PLSCR2: variants seen among roughly 807,000 people sequenced by gnomAD.
The protein encoded by PLSCR2 is PL scramblase 2.
In PLSCR2, 18 loss-of-function variants were observed where a neutral mutation model predicts 25.3. The observed-to-expected ratio is 0.71, with a 90% confidence interval of 0.49 to 1.06. The LOEUF (loss-of-function observed/expected upper bound fraction) is 1.06, where lower values mean the gene tolerates loss of function less well. Ranked by LOEUF, PLSCR2 falls within the 50% of genes least tolerant of loss-of-function variation. PLSCR2 has a pLI of 0.00. For synonymous variants in PLSCR2, 88 were observed against 87.3 expected (o/e 1.01, Z -0.04); for missense variants, 243 against 269.5 (o/e 0.90, Z 0.69).
intron 2 of PLSCR2, among the ~76,000 whole-genome samples, chr3:146,425,763 A>C (rs549592364): frequency 1.3e-5 from 2 of 152,184 alleles, no homozygotes; most frequent in Non-Finnish European, 2.9e-5. Context: ...GAGCAGACTG[A>C]TGATAGAAAT....
intron 2 of PLSCR2, among the ~76,000 whole-genome samples, chr3:146,402,899 T>C (rs928752733): frequency 6.6e-6 from 1 of 152,210 alleles, no homozygotes; most frequent in Non-Finnish European, 1.5e-5. Flanking sequence ...GTACACATTT[T>C]CATTTGATAT....
chr3:146,396,669 CAA>C (rs2038284622), intron 2 of PLSCR2, among the ~76,000 whole-genome samples: 1 of 151,984 alleles, frequency 6.6e-6, no homozygotes, highest in Non-Finnish European at 1.5e-5. Context: ...GAAAAGGCCC[CAA>C]GTTAGGAAGG....
intron 1 of PLSCR2, among the ~76,000 whole-genome samples, chr3:146,487,827 A>G (rs1388079067): frequency 6.6e-6 from 1 of 152,204 alleles, no homozygotes; most frequent in Non-Finnish European, 1.5e-5. Flanking sequence ...AAACTGCTTT[A>G]AATTTCATAT....
chr3:146,461,968 A>AC, upstream of PLSCR2: 3 of 1,311,788 alleles, frequency 2.3e-6, no homozygotes, highest in Non-Finnish European at 3.1e-6. Flanking sequence ...TAAAAAAAAA[A>AC]ATGACAAAGA....
chr3:146,470,141 T>C (rs1400323402), intron 1 of PLSCR2, among the ~76,000 whole-genome samples: 1 of 152,064 alleles, frequency 6.6e-6, no homozygotes, highest in Non-Finnish European at 1.5e-5. Context: ...AGAGTGAAAA[T>C]GATGAGGCGT....
intron 1 of PLSCR2, among the ~76,000 whole-genome samples, chr3:146,491,713 C>T (rs972378457): frequency 6.6e-6 from 1 of 152,102 alleles, no homozygotes; most frequent in Non-Finnish European, 1.5e-5. Context: ...TTTGGTGCTT[C>T]CTTAAAATGA....
chr3:146,450,204 G>C (rs1404644518), intron 5 of PLSCR2, among the ~76,000 whole-genome samples: 2 of 152,050 alleles, frequency 1.3e-5, no homozygotes, highest in African/African-American at 4.8e-5. Flanking sequence ...CCCAAGTCAG[G>C]AATGTCATTT....
chr3:146,445,019 T>G (rs1180592206), intron 6 of PLSCR2, among the ~76,000 whole-genome samples: 1 of 152,148 alleles, frequency 6.6e-6, no homozygotes. Flanking sequence ...ACTGATTGCA[T>G]GAACAAACAA....
intron 1 of PLSCR2, among the ~76,000 whole-genome samples, chr3:146,485,520 T>C (rs2043307669): frequency 6.6e-6 from 1 of 151,984 alleles, no homozygotes. Flanking sequence ...GCCACATGAC[T>C]CTTACTCTAA....
upstream of PLSCR2, among the ~76,000 whole-genome samples, chr3:146,460,960 C>T (rs1413503832): frequency 2.6e-5 from 4 of 151,938 alleles, no homozygotes; most frequent in Non-Finnish European, 4.4e-5. Flanking sequence ...ATCTTTAGAA[C>T]ACATAATTTG....
chr3:146,474,473 C>G (rs890417019), intron 1 of PLSCR2, among the ~76,000 whole-genome samples: 2 of 152,120 alleles, frequency 1.3e-5, no homozygotes, highest in African/African-American at 4.8e-5. Flanking sequence ...CCACTCTCTT[C>G]TGGCTTGTAG....
At chr3:146,411,242 C>T (rs2038838496) in intron 2 of PLSCR2, among the ~76,000 whole-genome samples, 1 of 152,082 alleles carries the variant, frequency 6.6e-6, no homozygotes, top group East Asian at 1.9e-4. Context: ...CTGTCAGGAC[C>T]ACTTCCCACC....
At chr3:146,485,339 A>G (rs1489209140) in intron 1 of PLSCR2, among the ~76,000 whole-genome samples, 1 of 152,152 alleles carries the variant, frequency 6.6e-6, no homozygotes, top group East Asian at 1.9e-4. Flanking sequence ...AGACTCCCAC[A>G]TAATAATAGT....
chr3:146,407,820 T>G (rs547431017), intron 2 of PLSCR2, among the ~76,000 whole-genome samples: 1 of 152,254 alleles, frequency 6.6e-6, no homozygotes, highest in Non-Finnish European at 1.5e-5. Flanking sequence ...TGGTAACAGT[T>G]GCACTCGCCT....
intron 2 of PLSCR2, among the ~76,000 whole-genome samples, chr3:146,422,314 G>A (rs956116204): frequency 1.3e-5 from 2 of 152,006 alleles, no homozygotes; most frequent in Non-Finnish European, 2.9e-5. Flanking sequence ...TAAAAAACTG[G>A]CCCATGAACG....
intron 1 of PLSCR2, among the ~76,000 whole-genome samples, chr3:146,493,305 A>T (rs1220532032): frequency 4.6e-5 from 7 of 152,188 alleles, no homozygotes; most frequent in Non-Finnish European, 8.8e-5. Context: ...GGAGGCCAGC[A>T]TTATTCTCAT....
intron 6 of PLSCR2, among the ~76,000 whole-genome samples, chr3:146,443,527 G>GT (rs1249369513): frequency 6.6e-6 from 1 of 151,718 alleles, no homozygotes; most frequent in African/African-American, 2.4e-5. Flanking sequence ...TTTGTTTTAG[G>GT]TTTTCCAACT....
intron 2 of PLSCR2, among the ~76,000 whole-genome samples, chr3:146,423,326 A>C (rs781703231): frequency 6.9e-6 from 1 of 145,776 alleles, no homozygotes; most frequent in Admixed American, 7.3e-5. Flanking sequence ...AACTCTACTT[A>C]GTTAACAATA....
chr3:146,479,158 T>C (rs553922957), intron 1 of PLSCR2, among the ~76,000 whole-genome samples: 94 of 152,286 alleles, frequency 6.2e-4, no homozygotes, highest in Non-Finnish European at 1.2e-3. Flanking sequence ...ATAAAGACCA[T>C]TGATGCTAGG....
Sources: allele counts gnomAD v4.1 joint callset (sites outside exome capture counted in the v4.1 genomes callset), GRCh38; gene constraint gnomAD v4.1.1; transcripts MANE v1.5; gene names NCBI Gene and HGNC (gene_info 2026-07-23, HGNC 2026-07-21).